The following ST7 variants were observed in gnomAD, a reference collection of about 807,000 sequenced individuals.
The protein encoded by ST7 is suppression of tumorigenicity 7.
A neutral mutation model predicts 78.7 loss-of-function variants in ST7; 28 were observed. The ratio of observed to expected loss-of-function variants is 0.36; its 90% CI spans 0.26 to 0.49. The LOEUF (loss-of-function observed/expected upper bound fraction) is 0.49, where lower values mean the gene tolerates loss of function less well. ST7 is among the 20% of genes least tolerant of loss of function. The pLI is 0.99. For missense variants in ST7, 418 were observed against 696.0 expected, an observed-to-expected ratio of 0.60 and a Z score of 4.49; for synonymous variants, 247 against 249.6, an observed-to-expected ratio of 0.99 and a Z score of 0.10.
Position 117,129,401 on chromosome 7 carries a change from A to G in ST7, c.395-392A>G, listed in dbSNP as rs970871651. On this transcript the variant is annotated intron_variant, in intron 3 of 15. Coordinates refer to ENST00000323984, the MANE Select transcript of ST7 (RefSeq NM_001369598.1). ...TCTATAGTTTGTCTTGTCATGTACA[A>G]CGTTATTATGAGGTATGTTTTAGAC... 4.6e-5 allele frequency among the ~76,000 whole-genome samples: 7 copies of G among 151,918 alleles called. No homozygotes were observed. The South Asian group carries it at 6.2e-4, about 13-fold the overall frequency.
chr7:117,193,983 TCTTCA>T (rs749420820), intron 12 of ST7, among the ~76,000 whole-genome samples: 18 of 152,220 alleles, frequency 1.2e-4, no homozygotes, highest in Admixed American at 9.8e-4. Flanking sequence ...TTAGGAACTC[TCTTCA>T]CTTGCAGACA....
chr7:117,194,063 T>TA (rs1810043357), intron 12 of ST7, among the ~76,000 whole-genome samples: 1 of 152,096 alleles, frequency 6.6e-6, no homozygotes, highest in Non-Finnish European at 1.5e-5. Flanking sequence ...ATAAGAACAG[T>TA]AAAAACCCCT....
intron 1 of ST7, among the ~76,000 whole-genome samples, chr7:116,979,592 A>T (rs1793855131): frequency 1.3e-5 from 2 of 152,234 alleles, no homozygotes; most frequent in Non-Finnish European, 2.9e-5. Context: ...TAAGTTACTA[A>T]ATCCCATTAA....
intron 2 of ST7, among the ~76,000 whole-genome samples, chr7:117,112,110 A>G (rs560066766): frequency 8.8e-4 from 132 of 150,696 alleles, no homozygotes; most frequent in South Asian, 1.7e-3. Context: ...GTGTGTGTGT[A>G]TATATATATA....
chr7:116,966,763 A>G (rs1683967487), intron 1 of ST7, among the ~76,000 whole-genome samples: 1 of 152,256 alleles, frequency 6.6e-6, no homozygotes, highest in Non-Finnish European at 1.5e-5. Flanking sequence ...CAGGAAGCCC[A>G]GCTGTGATTG....
chr7:117,210,573 T>C (rs1279817676), intron 13 of ST7, among the ~76,000 whole-genome samples: 1 of 152,114 alleles, frequency 6.6e-6, no homozygotes, highest in East Asian at 1.9e-4. Context: ...TGTCGTCTAA[T>C]TGGGAAGAGG....
chr7:117,171,000 T>C (rs1301747864), intron 10 of ST7, 24 bp downstream of exon 10: 3 of 1,454,112 alleles, frequency 2.1e-6, no homozygotes, highest in African/African-American at 2.8e-5. Flanking sequence ...TATTTTTATT[T>C]ACTTGACTAT....
intron 2 of ST7, among the ~76,000 whole-genome samples, chr7:117,111,772 C>T (rs1005085817): frequency 1.3e-5 from 2 of 152,208 alleles, no homozygotes; most frequent in Admixed American, 1.3e-4. Flanking sequence ...CCAAGTTAGT[C>T]TTATCTGCTA....
rs148169253 is a variant in ST7, at chr7:117,216,520, G to A, written c.1406-2564G>A. Among the ~76,000 whole-genome samples the A allele has an allele frequency of 9.2e-5, 14 of 152,032 alleles. No individual in the cohort carries two copies. The East Asian group carries it at 2.5e-3, about 27-fold the overall frequency. Reference sequence around the variant, plus strand: ...CAGTGTGTTTTTAATACTTAGATTCGCAAAATTTCTGGACATTTGGCAAAA... The same window carrying A: ...CAGTGTGTTTTTAATACTTAGATTCACAAAATTTCTGGACATTTGGCAAAA... On this transcript the variant is annotated intron_variant, in intron 13 of 15. Coordinates refer to ENST00000323984, the MANE Select transcript of ST7 (RefSeq NM_001369598.1).
At chr7:117,106,970 A>G (rs570197093) in intron 2 of ST7, among the ~76,000 whole-genome samples, 13 of 151,938 alleles carry the variant, frequency 8.6e-5, no homozygotes, top group African/African-American at 3.1e-4. Context: ...GCTCCCACTT[A>G]TGAGTGAGAA....
intron 1 of ST7, among the ~76,000 whole-genome samples, chr7:117,087,121 A>G (rs1410603683): frequency 6.6e-6 from 1 of 152,216 alleles, no homozygotes; most frequent in Non-Finnish European, 1.5e-5. Flanking sequence ...TAATGAAAAG[A>G]AAAACCTAAC....
At chr7:116,985,069 T>G (rs1281741262) in intron 1 of ST7, among the ~76,000 whole-genome samples, 1 of 152,146 alleles carries the variant, frequency 6.6e-6, no homozygotes, top group Non-Finnish European at 1.5e-5. Context: ...TTACATAATT[T>G]GGGGTAAAAC....
At chr7:117,151,085 G>A (rs114625286) in intron 9 of ST7, among the ~76,000 whole-genome samples, 3,084 of 152,280 alleles carry the variant, frequency 0.02, 56 homozygotes, top group Middle Eastern at 0.099. Flanking sequence ...TTTCATCTCA[G>A]CTATGCAGTC....
intron 13 of ST7, among the ~76,000 whole-genome samples, chr7:117,218,536 A>C (rs995166265): frequency 1.3e-5 from 2 of 152,242 alleles, no homozygotes; most frequent in Non-Finnish European, 2.9e-5. Context: ...TAAACTTTTA[A>C]TAAAGTTTAG....
At chr7:117,041,825 G>C (rs1797248440) in intron 1 of ST7, among the ~76,000 whole-genome samples, 1 of 152,124 alleles carries the variant, frequency 6.6e-6, no homozygotes, top group Non-Finnish European at 1.5e-5. Context: ...GGGAAATTAA[G>C]GTTTAAACCA....
At chr7:117,214,294 C>G (rs2116090728) in intron 13 of ST7, among the ~76,000 whole-genome samples, 2 of 152,134 alleles carry the variant, frequency 1.3e-5, no homozygotes, top group East Asian at 3.9e-4. Context: ...AGAGATCCCC[C>G]CGCCCCAAAG....
chr7:117,032,784 A>G (rs994081135), intron 1 of ST7, among the ~76,000 whole-genome samples: 4 of 152,296 alleles, frequency 2.6e-5, no homozygotes, highest in Non-Finnish European at 5.9e-5. Context: ...TAATCCTCCA[A>G]CAATCTCTAG....
intron 2 of ST7, among the ~76,000 whole-genome samples, chr7:117,105,864 A>G (rs1801911632): frequency 6.6e-6 from 1 of 152,248 alleles, no homozygotes; most frequent in South Asian, 2.1e-4. Context: ...TTAAAAAGCC[A>G]TGGGGAGAAT....
At chr7:117,209,210 G>A (rs117897399) in intron 12 of ST7, among the ~76,000 whole-genome samples, 3 of 152,076 alleles carry the variant, frequency 2.0e-5, no homozygotes, top group African/African-American at 4.8e-5. Flanking sequence ...GGAAAGGATC[G>A]AAGAGTGTCA....
Sources: allele counts gnomAD v4.1 joint callset (sites outside exome capture counted in the v4.1 genomes callset), GRCh38; gene constraint gnomAD v4.1.1; transcripts MANE v1.5; gene names NCBI Gene and HGNC (gene_info 2026-07-23, HGNC 2026-07-21).